SH3PXD2B: variants seen among roughly 807,000 people sequenced by gnomAD.
SH3PXD2B encodes SH3 and PX domain-containing protein 2B.
In SH3PXD2B, 37 loss-of-function variants were observed where a neutral mutation model predicts 73.1. The ratio of observed to expected loss-of-function variants is 0.51; its 90% CI spans 0.39 to 0.67. The LOEUF is 0.67. SH3PXD2B is among the 30% of genes least tolerant of loss of function. The pLI is 0.00. For missense variants in SH3PXD2B, 1,053 were observed against 1,197.8 expected (o/e 0.88, Z 1.78); for synonymous variants, 457 against 480.5 (o/e 0.95, Z 0.64).
At chr5:172,359,011 A>C in intron 7 of SH3PXD2B, 134 bp from the exon 8 acceptor site, 1 of 835,258 alleles carries the variant, frequency 1.2e-6, no homozygotes, top group Non-Finnish European at 2.0e-6. Context: ...TATTGGTAGA[A>C]CACAACTACC....
intron 4 of SH3PXD2B, among the ~76,000 whole-genome samples, chr5:172,383,405 T>G (rs1757990263): frequency 6.6e-6 from 1 of 152,146 alleles, no homozygotes; most frequent in Admixed American, 6.5e-5. Context: ...GAGCAAAAAT[T>G]TTCTTTGTGC....
intron 6 of SH3PXD2B, among the ~76,000 whole-genome samples, chr5:172,373,154 T>A (rs982928232): frequency 6.6e-6 from 1 of 152,236 alleles, no homozygotes; most frequent in African/African-American, 2.4e-5. Context: ...TGACGCTGCA[T>A]CTGTCATTGC....
At chr5:172,441,361 G>A (rs1187055008) in intron 1 of SH3PXD2B, among the ~76,000 whole-genome samples, 1 of 152,218 alleles carries the variant, frequency 6.6e-6, no homozygotes, top group African/African-American at 2.4e-5. Flanking sequence ...CTGACTGCTC[G>A]GCCTGGGGCC....
intron 1 of SH3PXD2B, among the ~76,000 whole-genome samples, chr5:172,426,772 A>C (rs1192288313): frequency 1.3e-5 from 2 of 152,152 alleles, no homozygotes; most frequent in African/African-American, 4.8e-5. Flanking sequence ...CTACACCAGG[A>C]ATTTCCCATG....
chr5:172,364,486 G>A (rs986675775), intron 6 of SH3PXD2B, among the ~76,000 whole-genome samples: 6 of 151,984 alleles, frequency 3.9e-5, no homozygotes, highest in Non-Finnish European at 5.9e-5. Context: ...CCAACATAGC[G>A]AAACCCCGTC....
At chr5:172,325,276 T>C (rs1274503918) in exon 13 of SH3PXD2B, 1 of 1,533,558 alleles carries the variant, frequency 6.5e-7, no homozygotes, top group Non-Finnish European at 8.7e-7. Flanking sequence ...GACGTGGTTC[T>C]CACATCTCCA....
intron 4 of SH3PXD2B, among the ~76,000 whole-genome samples, chr5:172,383,951 A>G (rs2113377137): frequency 6.6e-6 from 1 of 151,084 alleles, no homozygotes; most frequent in Admixed American, 6.6e-5. Context: ...GGTTCAAGTG[A>G]TTCCCCAGCC....
intron 3 of SH3PXD2B, among the ~76,000 whole-genome samples, chr5:172,396,228 G>T (rs1477597687): frequency 1.5e-5 from 2 of 131,908 alleles, no homozygotes; most frequent in Non-Finnish European, 3.2e-5. Flanking sequence ...AAAAAAATCA[G>T]CCTGGTGTGG....
chr5:172,451,711 G>T (rs1561588904), intron 1 of SH3PXD2B, among the ~76,000 whole-genome samples: 1 of 152,214 alleles, frequency 6.6e-6, no homozygotes, highest in Non-Finnish European at 1.5e-5. Context: ...TACCAAATGG[G>T]AGTCAAAGTC....
At chr5:172,408,187 T>C (rs114725778) in intron 2 of SH3PXD2B, among the ~76,000 whole-genome samples, 3,731 of 152,174 alleles carry the variant, frequency 0.025, 176 homozygotes, top group African/African-American at 0.086. Context: ...CCTTGGTCGC[T>C]AGCTACAGGT....
Position 172,339,946 on chromosome 5 carries a change from G to A in SH3PXD2B, c.1189-30C>T, listed in dbSNP as rs375470842. The A allele has an allele frequency of 8.1e-5, 130 of 1,613,536 alleles. No homozygotes were observed. Among genetic ancestry groups the A allele is most frequent in the Non-Finnish European group, 1.0e-4 (123 of 1,179,800 alleles). On this transcript the variant is annotated intron_variant, in intron 12 of 12. Transcript: ENST00000311601. This position sits in a 1 kb window ranked among gnomAD's most constrained non-coding sequence, Gnocchi z 6.1. ...AAGGGAGGATAGAGAAAGGCACTTG[G>A]CTACGATGCCAGGGCCAGCAGATGG...
chr5:172,427,422 T>G (rs1324518140), intron 1 of SH3PXD2B, among the ~76,000 whole-genome samples: 1 of 152,140 alleles, frequency 6.6e-6, no homozygotes, highest in Non-Finnish European at 1.5e-5. Flanking sequence ...CATAGCTCAC[T>G]GCAACTTCAA....
intron 8 of SH3PXD2B, among the ~76,000 whole-genome samples, chr5:172,358,098 C>T (rs1030638106): frequency 5.3e-5 from 8 of 152,178 alleles, no homozygotes; most frequent in African/African-American, 1.4e-4. Context: ...AAATTACTGG[C>T]CCAAGGCCAC....
In SH3PXD2B at chr5:172,336,447, T is replaced by C; in HGVS notation, c.*1922A>G. The C allele has an allele frequency of 3.0e-6, 3 of 986,020 alleles. No homozygotes were observed. The highest frequency in any genetic ancestry group is 3.6e-6 in the Non-Finnish European group (3 of 830,038). 61.1% of individuals were successfully genotyped at this position (986,020 alleles called of 1,614,324 possible). A position where few individuals can be genotyped will look rare whatever the true frequency, so the allele number is the denominator to read the frequency against. On this transcript the variant is annotated 3_prime_UTR_variant, in exon 13 of 13. Coordinates refer to ENST00000311601, the MANE Select transcript of SH3PXD2B (RefSeq NM_001017995.3). ...CCCAAGCCTCTCTGGGAAATGGGAT[T>C]TGCAGGCCGACTGGACGAAGGCACT...
intron 4 of SH3PXD2B, among the ~76,000 whole-genome samples, chr5:172,394,001 T>C (rs139404773): frequency 9.8e-4 from 149 of 152,236 alleles, no homozygotes; most frequent in African/African-American, 3.4e-3. Context: ...TGGGAGTGTA[T>C]TGTGCCATCT....
intron 1 of SH3PXD2B, among the ~76,000 whole-genome samples, chr5:172,435,470 T>C (rs1759367493): frequency 6.6e-6 from 1 of 152,162 alleles, no homozygotes. Context: ...CCCTCTGTCA[T>C]CCAGGTTGGA....
intron 8 of SH3PXD2B, among the ~76,000 whole-genome samples, chr5:172,356,380 G>A (rs184760990): frequency 3.3e-5 from 5 of 152,250 alleles, no homozygotes; most frequent in East Asian, 1.9e-4. Flanking sequence ...TGCTTAACCC[G>A]GTTTACATGG....
exon 13 of SH3PXD2B, chr5:172,325,231 G>C: frequency 7.2e-7 from 1 of 1,390,380 alleles, no homozygotes; most frequent in Non-Finnish European, 9.7e-7. Flanking sequence ...AGTAAAAGCA[G>C]TTTAGCAAAT....
rs1756684584 is a variant in SH3PXD2B, at chr5:172,336,136, GCA to G, written c.*2231_*2232del. ...CACATCCCAGTCTACTCAGCACCTA[GCA>G]CAGAGTAGACACTCACAAAGTATCT... On this transcript the variant is annotated 3_prime_UTR_variant, in exon 13 of 13. Coordinates refer to ENST00000311601, the MANE Select transcript of SH3PXD2B (RefSeq NM_001017995.3). 10 of 986,894 alleles carry G rather than the reference GCA, an allele frequency of 1.0e-5. No individual in the cohort carries two copies. The South Asian group carries it at 4.7e-4, about 46-fold the overall frequency. 61.1% of individuals were successfully genotyped at this position (986,894 alleles called of 1,614,324 possible).
Sources: gnomAD v4.1 joint callset for allele counts (sites outside exome capture counted in the v4.1 genomes callset) on GRCh38, gnomAD v4.1.1 for gene constraint, Gnocchi (gnomAD v3.1) non-coding constraint, MANE v1.5 for transcripts, NCBI Gene and HGNC (gene_info 2026-07-23, HGNC 2026-07-21) for gene names.